The following AKT3 variants were observed in gnomAD, a reference collection of about 807,000 sequenced individuals.
AKT3 encodes AKT serine/threonine kinase 3.
Under a neutral mutation model 65.3 loss-of-function variants are expected in AKT3, and 15 were observed. The ratio of observed to expected loss-of-function variants is 0.23; its 90% CI spans 0.15 to 0.35. AKT3 has a LOEUF of 0.35. Among genes scored for constraint, AKT3 ranks in the 10% least tolerant of loss-of-function variants. AKT3 has a pLI of 1.00. For missense variants in AKT3, 243 were observed against 576.5 expected, an observed-to-expected ratio of 0.42 and a Z score of 5.92; for synonymous variants, 206 against 183.8, an observed-to-expected ratio of 1.12 and a Z score of -0.98.
intron 12 of AKT3, among the ~76,000 whole-genome samples, chr1:243,533,772 CG>C (rs1671714228): frequency 6.6e-6 from 1 of 151,840 alleles, no homozygotes; most frequent in Admixed American, 6.6e-5. Context: ...GGGCGGATCA[CG>C]AGGTCAGGAG....
chr1:243,506,113 G>A (rs140876947), intron 13 of AKT3, among the ~76,000 whole-genome samples: 5 of 152,350 alleles, frequency 3.3e-5, no homozygotes, highest in East Asian at 1.9e-4. Flanking sequence ...ATGTGGCCAC[G>A]TGGTCAGCCA....
At chr1:243,634,263 A>G (rs1158156048) in intron 6 of AKT3, among the ~76,000 whole-genome samples, 1 of 151,966 alleles carries the variant, frequency 6.6e-6, no homozygotes, top group African/African-American at 2.4e-5. Context: ...TTATTCTTGT[A>G]TTATTATTTT....
chr1:243,522,503 T>G (rs1670782592), intron 12 of AKT3, among the ~76,000 whole-genome samples: 2 of 151,958 alleles, frequency 1.3e-5, no homozygotes, highest in Admixed American at 1.3e-4. Context: ...ACAAAAAAAT[T>G]TAAAAATTAC....
intron 4 of AKT3, among the ~76,000 whole-genome samples, chr1:243,659,243 C>T (rs537872840): frequency 1.1e-4 from 17 of 152,040 alleles, no homozygotes; most frequent in African/African-American, 2.7e-4. Context: ...GAAAGTAGAA[C>T]GGTGGTTTCC....
At chr1:243,496,643 G>T (rs954745942), downstream of AKT3, among the ~76,000 whole-genome samples, 1 of 152,210 alleles carries the variant, frequency 6.6e-6, no homozygotes, top group Non-Finnish European at 1.5e-5. Context: ...GTGAGCAGGG[G>T]CGAGGGGTGC....
At chr1:243,832,119 CTAAAAAAAAAAAA>C (rs1694561479) in intron 2 of AKT3, among the ~76,000 whole-genome samples, 1 of 5,266 alleles carries the variant, frequency 1.9e-4, no homozygotes, top group Non-Finnish European at 4.2e-4. Flanking sequence ...ATCCCTAAAA[CTAAAAAAAAAAAA>C]AAAAAAAAAA....
intron 2 of AKT3, among the ~76,000 whole-genome samples, chr1:243,770,992 C>G (rs905667729): frequency 4.6e-5 from 7 of 152,058 alleles, no homozygotes; most frequent in African/African-American, 1.7e-4. Context: ...GGAGGAGAAT[C>G]CACATGATAA....
At chr1:243,490,235 G>A (rs1030148061) in intron 13 of AKT3, among the ~76,000 whole-genome samples, 2 of 152,232 alleles carry the variant, frequency 1.3e-5, no homozygotes, top group African/African-American at 2.4e-5. Flanking sequence ...CAGTAAATGA[G>A]CACACCCAGG....
chr1:243,850,049 C>A lies in AKT3; in HGVS notation c.-122G>T. ...GGGCGGTGGCTGTTACCTGCAACGG[C>A]GGCGGCGGCGGTGGCGGCCCCGCAG... On this transcript the variant is annotated 5_prime_UTR_variant, in exon 1 of 14. Transcript: ENST00000673466. 1.0e-6 allele frequency: 1 copy of A among 958,286 alleles called. No homozygotes were observed. The highest frequency in any genetic ancestry group is 1.2e-6 in the Non-Finnish European group (1 of 828,322). 59.4% of individuals were successfully genotyped at this position (958,286 alleles called of 1,614,324 possible).
intron 2 of AKT3, among the ~76,000 whole-genome samples, chr1:243,781,314 G>A (rs768933744): frequency 6.6e-6 from 1 of 152,072 alleles, no homozygotes; most frequent in Non-Finnish European, 1.5e-5. Context: ...GAGTACTTAA[G>A]ACTGTCTCCA....
chr1:243,701,730 G>A (rs1171768145), intron 2 of AKT3, among the ~76,000 whole-genome samples: 6 of 147,758 alleles, frequency 4.1e-5, no homozygotes, highest in South Asian at 4.3e-4. Flanking sequence ...CTAATTTTCC[G>A]ATACAGGTGC....
intron 3 of AKT3, among the ~76,000 whole-genome samples, chr1:243,677,940 T>C (rs1227549799): frequency 6.6e-6 from 1 of 151,952 alleles, no homozygotes; most frequent in Non-Finnish European, 1.5e-5. Flanking sequence ...TACAAAAAAT[T>C]AGCTGGGCGT....
chr1:243,787,382 T>C (rs1691334982), intron 2 of AKT3, among the ~76,000 whole-genome samples: 1 of 152,184 alleles, frequency 6.6e-6, no homozygotes, highest in African/African-American at 2.4e-5. Context: ...TCTCCAATAT[T>C]TCCTTTTCCC....
At chr1:243,685,123 G>A (rs931821003) in intron 3 of AKT3, among the ~76,000 whole-genome samples, 24 of 152,234 alleles carry the variant, frequency 1.6e-4, no homozygotes, top group African/African-American at 5.8e-4. Flanking sequence ...TCTAATGATA[G>A]TTTCTTTTGC....
At chr1:243,766,347 T>C (rs967386805) in intron 2 of AKT3, among the ~76,000 whole-genome samples, 2 of 151,974 alleles carry the variant, frequency 1.3e-5, no homozygotes, top group African/African-American at 2.4e-5. Flanking sequence ...AAAAAGAAAA[T>C]TAATAATAAT....
At chr1:243,671,375 C>A (rs543407468) in intron 3 of AKT3, among the ~76,000 whole-genome samples, 1 of 152,128 alleles carries the variant, frequency 6.6e-6, no homozygotes, top group Non-Finnish European at 1.5e-5. Flanking sequence ...CCACTGCATC[C>A]GGCCAGATTC....
At chr1:243,704,162 T>C (rs1685646500) in intron 2 of AKT3, among the ~76,000 whole-genome samples, 1 of 152,206 alleles carries the variant, frequency 6.6e-6, no homozygotes, top group Non-Finnish European at 1.5e-5. Context: ...TCACTCATTT[T>C]AAGGTGCTGC....
intron 8 of AKT3, among the ~76,000 whole-genome samples, chr1:243,576,287 T>C (rs1674937136): frequency 6.6e-6 from 1 of 152,156 alleles, no homozygotes. Context: ...TCACACTGAA[T>C]GGGCAAAATC....
intron 2 of AKT3, among the ~76,000 whole-genome samples, chr1:243,733,318 G>T (rs1687666217): frequency 6.6e-6 from 1 of 152,172 alleles, no homozygotes; most frequent in South Asian, 2.1e-4. Flanking sequence ...ACTCATAAGA[G>T]ACCTCAATTA....
Sources: allele counts gnomAD v4.1 joint callset (sites outside exome capture counted in the v4.1 genomes callset), GRCh38; gene constraint gnomAD v4.1.1; transcripts MANE v1.5; gene names NCBI Gene and HGNC (gene_info 2026-07-23, HGNC 2026-07-21).